The following DCC variants were observed in gnomAD, a reference collection of about 807,000 sequenced individuals.
The protein encoded by DCC is DCC netrin 1 receptor.
DCC carries 58 observed loss-of-function variants against 172.5 expected under a neutral mutation model. That is an observed-to-expected ratio of 0.34 (90% CI 0.27 to 0.42). The LOEUF is 0.42. DCC is among the 10% of genes least tolerant of loss of function. The probability of loss-of-function intolerance (pLI) is 1.00; values close to 1 mark genes in which losing one functional copy is unlikely to be tolerated. For synonymous variants in DCC, 709 were observed against 644.5 expected (o/e 1.10, Z -1.52); for missense variants, 1,740 against 1,791.0 (o/e 0.97, Z 0.51).
chr18:52,914,677 A>C (rs1445721327), intron 3 of DCC, among the ~76,000 whole-genome samples: 1 of 151,944 alleles, frequency 6.6e-6, no homozygotes, highest in Non-Finnish European at 1.5e-5. Context: ...AGTTTCATGG[A>C]ATTTTTCACT....
At chr18:53,463,183 G>A (rs749589081) in intron 24 of DCC, among the ~76,000 whole-genome samples, 4 of 152,188 alleles carry the variant, frequency 2.6e-5, no homozygotes, top group African/African-American at 4.8e-5. Flanking sequence ...CTGCCCTAAG[G>A]AGGTTTTGCC....
At chr18:53,427,386 T>G (rs916947588) in intron 21 of DCC, among the ~76,000 whole-genome samples, 4 of 152,090 alleles carry the variant, frequency 2.6e-5, no homozygotes, top group African/African-American at 9.7e-5. Flanking sequence ...CTACTGATAT[T>G]ATGAAGCCAT....
chr18:53,190,767 A>C (rs556257248), intron 9 of DCC, among the ~76,000 whole-genome samples: 21 of 152,234 alleles, frequency 1.4e-4, no homozygotes, highest in African/African-American at 4.8e-4. Context: ...TAACACGGTG[A>C]AACCCCTTCT....
chr18:52,412,815 T>C (rs999618267), intron 1 of DCC, among the ~76,000 whole-genome samples: 1 of 152,166 alleles, frequency 6.6e-6, no homozygotes, highest in East Asian at 1.9e-4. Flanking sequence ...GCCATGTGTT[T>C]CTGCAGCAGA....
intron 5 of DCC, among the ~76,000 whole-genome samples, chr18:52,999,570 T>C (rs1599014819): frequency 6.6e-6 from 1 of 152,190 alleles, no homozygotes; most frequent in African/African-American, 2.4e-5. Flanking sequence ...TGACAAAATC[T>C]GTTGCTACAC....
intron 5 of DCC, among the ~76,000 whole-genome samples, chr18:53,041,541 A>C (rs539165014): frequency 6.6e-6 from 1 of 152,110 alleles, no homozygotes; most frequent in African/African-American, 2.4e-5. Flanking sequence ...TTTTTTTCTA[A>C]TTCTTTGAAG....
intron 15 of DCC, among the ~76,000 whole-genome samples, chr18:53,366,938 G>T (rs1247212878): frequency 6.6e-6 from 1 of 152,174 alleles, no homozygotes; most frequent in Non-Finnish European, 1.5e-5. Context: ...GGGGATAACA[G>T]TGTCACATGA....
chr18:53,014,053 A>T (rs751672260), intron 5 of DCC, among the ~76,000 whole-genome samples: 2 of 152,166 alleles, frequency 1.3e-5, no homozygotes, highest in African/African-American at 4.8e-5. Flanking sequence ...GCTGTACCTC[A>T]AACCCAGTCA....
chr18:52,622,104 A>G (rs1379886039), intron 1 of DCC, among the ~76,000 whole-genome samples: 2 of 152,188 alleles, frequency 1.3e-5, no homozygotes, highest in Admixed American at 6.5e-5. Flanking sequence ...GCCCACATGA[A>G]TTTTAAAATT....
chr18:52,468,794 A>G (rs1263798796), intron 1 of DCC, among the ~76,000 whole-genome samples: 2 of 152,128 alleles, frequency 1.3e-5, no homozygotes, highest in African/African-American at 4.8e-5. Context: ...CTCATAAGAG[A>G]TGTTGCAACA....
intron 5 of DCC, among the ~76,000 whole-genome samples, chr18:52,987,642 A>C (rs1001783365): frequency 6.6e-6 from 1 of 152,182 alleles, no homozygotes; most frequent in Non-Finnish European, 1.5e-5. Context: ...GGGGGACCCA[A>C]ATGGTTGAGT....
At chr18:53,181,310 T>A (rs1277108699) in intron 9 of DCC, among the ~76,000 whole-genome samples, 2 of 152,172 alleles carry the variant, frequency 1.3e-5, no homozygotes, top group Non-Finnish European at 2.9e-5. Context: ...TTGGTTAGCC[T>A]TGCTTTGTAA....
At chr18:52,768,703 C>A (rs1377911649) in intron 2 of DCC, among the ~76,000 whole-genome samples, 1 of 152,020 alleles carries the variant, frequency 6.6e-6, no homozygotes, top group East Asian at 1.9e-4. Context: ...TGTTTGTGTG[C>A]ATGTGTGTGT....
At chr18:52,706,600 A>G (rs2036215886) in intron 1 of DCC, among the ~76,000 whole-genome samples, 1 of 152,174 alleles carries the variant, frequency 6.6e-6, no homozygotes, top group African/African-American at 2.4e-5. Flanking sequence ...TACCAAGAAC[A>G]ATTCAGGAGG....
intron 15 of DCC, among the ~76,000 whole-genome samples, chr18:53,368,078 C>G (rs865777810): frequency 6.6e-6 from 1 of 152,082 alleles, no homozygotes; most frequent in Non-Finnish European, 1.5e-5. Flanking sequence ...CTCTACAACC[C>G]TGCCAACACT....
At chr18:53,032,264 T>G (rs2042035317) in intron 5 of DCC, among the ~76,000 whole-genome samples, 1 of 152,120 alleles carries the variant, frequency 6.6e-6, no homozygotes, top group South Asian at 2.1e-4. Context: ...AAGTCTTATT[T>G]GGGAGGAAAA....
At chr18:53,035,585 T>G (rs2042082045) in intron 5 of DCC, among the ~76,000 whole-genome samples, 1 of 152,094 alleles carries the variant, frequency 6.6e-6, no homozygotes, top group South Asian at 2.1e-4. Context: ...TATTTGTCTC[T>G]CAAATATTAT....
chr18:53,324,644 G>A (rs2057447899), intron 14 of DCC, among the ~76,000 whole-genome samples: 1 of 152,130 alleles, frequency 6.6e-6, no homozygotes, highest in African/African-American at 2.4e-5. Flanking sequence ...ATCCTGAATA[G>A]AGCCTAATTG....
intron 5 of DCC, among the ~76,000 whole-genome samples, chr18:53,045,419 T>G (rs914530169): frequency 7.2e-5 from 11 of 151,794 alleles, no homozygotes; most frequent in Non-Finnish European, 1.5e-4. Context: ...TGAAGAGTAT[T>G]AGTCACAGGA....
Sources: allele counts gnomAD v4.1 joint callset (sites outside exome capture counted in the v4.1 genomes callset), GRCh38; gene constraint gnomAD v4.1.1; transcripts MANE v1.5; gene names NCBI Gene and HGNC (gene_info 2026-07-23, HGNC 2026-07-21).